Variants in KCNIP4 observed in about 807,000 individuals in gnomAD.
KCNIP4 encodes potassium voltage-gated channel interacting protein 4, also known as Kv channel-interacting protein 4.
KCNIP4 carries 12 observed loss-of-function variants against 34.0 expected under a neutral mutation model. The observed-to-expected ratio is 0.35, with a 90% CI of 0.23 to 0.57. The LOEUF is 0.57. KCNIP4 is among the 20% of genes least tolerant of loss of function. KCNIP4 has a pLI of 0.83. For missense variants in KCNIP4, 238 were observed against 311.7 expected, an observed-to-expected ratio of 0.76 and a Z score of 1.78; for synonymous variants, 124 against 102.2, an observed-to-expected ratio of 1.21 and a Z score of -1.29.
chr4:20,896,362 T>C (rs546952556), intron 1 of KCNIP4, among the ~76,000 whole-genome samples: 1 of 152,360 alleles, frequency 6.6e-6, no homozygotes, highest in African/African-American at 2.4e-5. Context: ...CAAAAATTCA[T>C]GTTCATCTAG....
chr4:21,595,484 T>C (rs1334139202), intron 1 of KCNIP4, among the ~76,000 whole-genome samples: 1 of 152,134 alleles, frequency 6.6e-6, no homozygotes, highest in Non-Finnish European at 1.5e-5. Flanking sequence ...TAGAATGATT[T>C]ATAATCCTTT....
At position 21,460,975 on chromosome 4, in the gene KCNIP4, A is replaced by G. The variant is rs139276628; in HGVS notation, c.61+487596T>C. On this transcript the variant is annotated intron_variant, in intron 1 of 8. Transcript: ENST00000382152. ...AAGAGAAATACAGAAACGGAGAGTCAATATTTAGAAAACGCTATAACAAAT... is the reference window on the plus strand; with the variant it reads ...AAGAGAAATACAGAAACGGAGAGTCGATATTTAGAAAACGCTATAACAAAT... Among the ~76,000 whole-genome samples, 135 of 152,184 alleles carry G rather than the reference A, an allele frequency of 8.9e-4. 2 individuals are homozygous for G. The highest frequency in any genetic ancestry group is 3.0e-3 in the African/African-American group (126 of 41,516).
intron 1 of KCNIP4, among the ~76,000 whole-genome samples, chr4:20,993,530 AAAG>A (rs1577501009): frequency 6.6e-6 from 1 of 152,208 alleles, no homozygotes; most frequent in African/African-American, 2.4e-5. Context: ...AGCCCTCTTA[AAAG>A]AAGTAGAGGA....
At chr4:21,725,900 G>T (rs1715161189) in intron 1 of KCNIP4, among the ~76,000 whole-genome samples, 3 of 151,996 alleles carry the variant, frequency 2.0e-5, no homozygotes, top group Admixed American at 2.0e-4. Flanking sequence ...AAGAGAGATG[G>T]CACTCTAAAA....
chr4:21,697,223 G>A, intron 1 of KCNIP4: 7 of 1,247,120 alleles, frequency 5.6e-6, no homozygotes, highest in Non-Finnish European at 7.1e-6. Context: ...AAATACAGTT[G>A]CATTTTATTG....
In KCNIP4 at chr4:21,291,865, AAAAAAGAAAGAAAGAAAG is replaced by A. The variant is rs1560259666; in HGVS notation, c.62-409174_62-409157del. Among the ~76,000 whole-genome samples the A allele has an allele frequency of 3.2e-4, 21 of 64,624 alleles. 1 individual carries two copies. Among genetic ancestry groups the A allele is most frequent in the South Asian group, 1.2e-3 (2 of 1,622 alleles). 42.4% of individuals were successfully genotyped at this position (64,624 alleles called of 152,430 possible). The stretch of plus-strand genomic sequence containing the variant: ...TTAGACTCCGCCTCAAAAAAAAAAA[AAAAAAGAAAGAAAGAAAG>A]AAAGAAAGAAAGAAAGAAAGAAAGA... On this transcript the variant is annotated intron_variant, in intron 1 of 8. Transcript: ENST00000382152.
intron 1 of KCNIP4, among the ~76,000 whole-genome samples, chr4:21,071,453 C>A (rs1744913315): frequency 6.6e-6 from 1 of 152,058 alleles, no homozygotes; most frequent in African/African-American, 2.4e-5. Flanking sequence ...TTTAATCTGT[C>A]TTTCTGCCAT....
rs1747347902 is a variant in KCNIP4 at position 20,729,585 on chromosome 4, G to GTAACCTTGTTT, written c.*496_*497insAAACAAGGTTA. ...GGAACTATGTGTTTTTTTAATTGTT[G>GTAACCTTGTTT]TAATCTTGTTTCCTTAAAGTATATA... is the stretch of plus-strand genomic sequence containing the variant. On this transcript the variant is annotated 3_prime_UTR_variant, in exon 9 of 9. Transcript: ENST00000382152. 8.1e-6 allele frequency: 1 copy of GTAACCTTGTTT among 123,754 alleles called. No individual in the cohort carries two copies. The highest frequency in any genetic ancestry group is 7.6e-5 in the Admixed American group (1 of 13,092). The allele number at this position is 123,754 out of a possible 1,614,324, so 7.7% of individuals were successfully genotyped here.
intron 1 of KCNIP4, among the ~76,000 whole-genome samples, chr4:21,271,244 A>T (rs2109135076): frequency 6.6e-6 from 1 of 152,200 alleles, no homozygotes; most frequent in East Asian, 1.9e-4. Context: ...ACCAAACCAA[A>T]GTTTATTGAT....
At chr4:21,357,096 G>C (rs1347102258) in intron 1 of KCNIP4, among the ~76,000 whole-genome samples, 1 of 152,136 alleles carries the variant, frequency 6.6e-6, no homozygotes, top group Non-Finnish European at 1.5e-5. Context: ...ATGGTGCTGG[G>C]AAAACTGGCT....
intron 1 of KCNIP4, among the ~76,000 whole-genome samples, chr4:21,784,418 A>G (rs747171838): frequency 1.4e-5 from 2 of 144,918 alleles, no homozygotes; most frequent in African/African-American, 5.8e-5. Context: ...TATTCTTAAC[A>G]CTAGAAAAAA....
Position 21,619,739 on chromosome 4 carries a change from T to C in KCNIP4, c.61+328832A>G, listed in dbSNP as rs143890526. On this transcript the variant is annotated intron_variant, in intron 1 of 8. Transcript: ENST00000382152. ...CTAAGCACCTGCTATGAACCAGGACTTTAGCTGGTATGACGGATACTAAAA... is the reference window on the plus strand; with the variant it reads ...CTAAGCACCTGCTATGAACCAGGACCTTAGCTGGTATGACGGATACTAAAA... Among the ~76,000 whole-genome samples the C allele has an allele frequency of 7.4e-3, 1,127 of 152,364 alleles. 8 individuals are homozygous for C. The highest frequency in any genetic ancestry group is 0.012 in the Non-Finnish European group (804 of 68,030).
chr4:21,849,209 T>G (rs920789168), intron 1 of KCNIP4: 1 of 152,152 alleles, frequency 6.6e-6, no homozygotes, highest in African/African-American at 2.4e-5. Flanking sequence ...GAGACTTTAC[T>G]CTGTATTCTA....
chr4:21,335,408 G>T (rs569760841), intron 1 of KCNIP4, among the ~76,000 whole-genome samples: 219 of 152,190 alleles, frequency 1.4e-3, no homozygotes, highest in Non-Finnish European at 2.4e-3. Flanking sequence ...GGCATAGCCA[G>T]CACATAGCAC....
intron 1 of KCNIP4, among the ~76,000 whole-genome samples, chr4:21,210,858 T>A (rs896807061): frequency 1.3e-5 from 2 of 152,206 alleles, no homozygotes; most frequent in Non-Finnish European, 2.9e-5. Context: ...AACCACCATA[T>A]GTAAAATGCA....
intron 1 of KCNIP4, among the ~76,000 whole-genome samples, chr4:20,992,856 T>A (rs1188323083): frequency 6.6e-6 from 1 of 151,694 alleles, no homozygotes. Context: ...AGTGAAACCC[T>A]GTCTCTACTA....
chr4:20,783,197 G>A (rs1175687253), intron 3 of KCNIP4, among the ~76,000 whole-genome samples: 1 of 152,086 alleles, frequency 6.6e-6, no homozygotes. Context: ...AGTCTCTAGG[G>A]ATCTCCAAAC....
intron 1 of KCNIP4, among the ~76,000 whole-genome samples, chr4:21,132,300 C>T (rs561107445): frequency 7.2e-5 from 11 of 152,274 alleles, no homozygotes; most frequent in Non-Finnish European, 1.2e-4. Context: ...AGATTTGCCA[C>T]TTGTATTTGT....
intron 1 of KCNIP4, among the ~76,000 whole-genome samples, chr4:21,527,663 A>C (rs1736086251): frequency 6.6e-6 from 1 of 152,234 alleles, no homozygotes; most frequent in Non-Finnish European, 1.5e-5. Flanking sequence ...TTACAGACGT[A>C]AAATTCAATG....
Sources: allele counts gnomAD v4.1 joint callset (sites outside exome capture counted in the v4.1 genomes callset), GRCh38; gene constraint gnomAD v4.1.1; transcripts MANE v1.5; gene names NCBI Gene and HGNC (gene_info 2026-07-23, HGNC 2026-07-21).